SEMA4D: variants seen among roughly 807,000 people sequenced by gnomAD.
The protein encoded by SEMA4D is semaphorin 4D, also known as semaphorin-4D.
A neutral mutation model predicts 74.8 loss-of-function variants in SEMA4D; 22 were observed. The observed-to-expected ratio is 0.29, with a 90% CI of 0.21 to 0.42. SEMA4D has a LOEUF of 0.42. Ranked by LOEUF, SEMA4D falls within the 10% of genes least tolerant of loss-of-function variation. The pLI, the probability that SEMA4D is intolerant of heterozygous loss-of-function variation, is 1.00. For synonymous variants in SEMA4D, 445 were observed against 463.7 expected (o/e 0.96, Z 0.52); for missense variants, 937 against 1,118.4 (o/e 0.84, Z 2.31).
intron 1 of SEMA4D, among the ~76,000 whole-genome samples, chr9:89,488,827 C>T (rs1825403075): frequency 2.0e-5 from 3 of 152,020 alleles, no homozygotes; most frequent in Non-Finnish European, 2.9e-5. Context: ...AAAAGTCTGC[C>T]CATTGAAAGA....
intron 2 of SEMA4D, chr9:89,418,167 T>C: frequency 1.1e-6 from 1 of 913,178 alleles, no homozygotes; most frequent in Non-Finnish European, 1.3e-6. Context: ...AAACTGTGCA[T>C]CCACTTAAAC....
At chr9:89,385,866 G>GGGGGGGGGGCCCCCCCCCCCC in intron 13 of SEMA4D, 1 of 196,226 alleles carries the variant, frequency 5.1e-6, no homozygotes, top group Non-Finnish European at 9.0e-6. Flanking sequence ...CAGCGTGGAT[G>GGGGGGGGGGCCCCCCCCCCCC]CCCGCCCACC....
At chr9:89,388,531 C>T (rs375484972) in intron 11 of SEMA4D, 105 bp downstream of exon 11, 13 of 1,388,178 alleles carry the variant, frequency 9.4e-6, no homozygotes, top group African/African-American at 2.9e-5. Context: ...AGAGCCTTGG[C>T]GTGGCCAGGT....
chr9:89,434,525 T>C (rs1376861335), intron 2 of SEMA4D, among the ~76,000 whole-genome samples: 4 of 152,084 alleles, frequency 2.6e-5, no homozygotes, highest in African/African-American at 7.2e-5. Flanking sequence ...TCTAAGAGAG[T>C]AGAGTGAAAG....
chr9:89,465,060 CAG>C (rs1858324534), intron 1 of SEMA4D, among the ~76,000 whole-genome samples: 1 of 152,190 alleles, frequency 6.6e-6, no homozygotes, highest in Admixed American at 6.5e-5. Flanking sequence ...ACCAACCTGT[CAG>C]GGGCAAAGAG....
intron 5 of SEMA4D, 64 bp downstream of exon 5, chr9:89,399,212 A>G (rs1476944357): frequency 1.5e-6 from 2 of 1,364,974 alleles, no homozygotes; most frequent in East Asian, 4.6e-5. Flanking sequence ...GCTGGCATTC[A>G]GTAGATTAAA....
intron 1 of SEMA4D, among the ~76,000 whole-genome samples, chr9:89,471,611 C>T (rs115072088): frequency 2.6e-5 from 3 of 114,402 alleles, no homozygotes; most frequent in East Asian, 2.2e-4. Context: ...CTCAGGTGCA[C>T]GCCAGCTCAG....
intron 2 of SEMA4D, among the ~76,000 whole-genome samples, chr9:89,438,563 C>T (rs1056307680): frequency 6.6e-6 from 1 of 152,224 alleles, no homozygotes; most frequent in South Asian, 2.1e-4. Flanking sequence ...TTTATTCTGT[C>T]GTTCCTGAGA....
intron 15 of SEMA4D, among the ~76,000 whole-genome samples, chr9:89,380,252 C>T (rs546426887): frequency 1.3e-5 from 2 of 152,206 alleles, no homozygotes; most frequent in South Asian, 2.1e-4. Flanking sequence ...AGGGTAGTCT[C>T]GAACTCCTGA....
intron 1 of SEMA4D, among the ~76,000 whole-genome samples, chr9:89,489,366 C>T (rs149433266): frequency 7.2e-5 from 11 of 152,298 alleles, no homozygotes; most frequent in Non-Finnish European, 1.3e-4. Flanking sequence ...GTAAAATACT[C>T]GTAAGATAAA....
chr9:89,462,088 T>C (rs2135722270), intron 1 of SEMA4D, among the ~76,000 whole-genome samples: 1 of 152,182 alleles, frequency 6.6e-6, no homozygotes, highest in East Asian at 1.9e-4. Flanking sequence ...GCATTAAACG[T>C]GGTTTGGGTT....
intron 16 of SEMA4D, among the ~76,000 whole-genome samples, chr9:89,370,738 T>C (rs1834461085): frequency 7.1e-6 from 1 of 141,500 alleles, no homozygotes; most frequent in African/African-American, 2.6e-5. Context: ...GGGTGTGGTG[T>C]GTGTGTGGGG....
chr9:89,450,379 A>G (rs575377684), intron 2 of SEMA4D: 1 of 1,079,584 alleles, frequency 9.3e-7, no homozygotes, highest in Admixed American at 1.7e-5. Context: ...AGGCGTTTTG[A>G]TGCCATGCCA....
chr9:89,469,192 C>T (rs909088609), intron 1 of SEMA4D, among the ~76,000 whole-genome samples: 2 of 152,128 alleles, frequency 1.3e-5, no homozygotes, highest in Non-Finnish European at 1.5e-5. Flanking sequence ...AGGAAATGAT[C>T]AAATTTCTCA....
At chr9:89,478,706 C>T (rs1862378878) in intron 1 of SEMA4D, among the ~76,000 whole-genome samples, 1 of 152,042 alleles carries the variant, frequency 6.6e-6, no homozygotes, top group Admixed American at 6.6e-5. Flanking sequence ...AGGGGTCTGC[C>T]TCTTGTTCAC....
intron 2 of SEMA4D, among the ~76,000 whole-genome samples, chr9:89,408,374 C>G (rs1388579236): frequency 2.0e-5 from 3 of 152,196 alleles, no homozygotes; most frequent in African/African-American, 7.2e-5. Flanking sequence ...TTGCTCTTCT[C>G]AGTCCTCATT....
chr9:89,407,626 A>G (rs1843593927), intron 2 of SEMA4D, among the ~76,000 whole-genome samples: 1 of 152,144 alleles, frequency 6.6e-6, no homozygotes, highest in Non-Finnish European at 1.5e-5. Context: ...TCCTTTCCCC[A>G]TGTGAAATGT....
intron 2 of SEMA4D, chr9:89,450,672 A>T: frequency 5.0e-6 from 3 of 603,172 alleles, no homozygotes; most frequent in African/African-American, 2.0e-5. Context: ...AAAAAAAAAA[A>T]AAAAAAAAAA....
chr9:89,422,356 C>T lies in SEMA4D; in HGVS notation c.-243-16657G>A, dbSNP rs1847144540. Among the ~76,000 whole-genome samples the T allele has an allele frequency of 2.0e-5, 3 of 152,246 alleles. No homozygotes were observed. In the South Asian group the frequency reaches 6.2e-4, roughly 32 times the overall value. ...ATAGACTGTAGACCCCCAGCCCCTG[C>T]TTTCTGGCTTGGGGAGGGCAGGCCA... On this transcript the variant is annotated intron_variant, in intron 2 of 15. Transcript: ENST00000422704.
Sources: gnomAD v4.1 joint callset for allele counts (sites outside exome capture counted in the v4.1 genomes callset) on GRCh38, gnomAD v4.1.1 for gene constraint, MANE v1.5 for transcripts, NCBI Gene and HGNC (gene_info 2026-07-23, HGNC 2026-07-21) for gene names.